Variants in ABCD2 observed in about 807,000 individuals in gnomAD.
ABCD2 encodes ATP binding cassette subfamily D member 2, also known as ATP-binding cassette sub-family D member 2.
In ABCD2, 36 loss-of-function variants were observed where a neutral mutation model predicts 70.9. The observed-to-expected ratio is 0.51, with a 90% CI of 0.39 to 0.67. The LOEUF (loss-of-function observed/expected upper bound fraction) is 0.67. Ranked by LOEUF, ABCD2 falls within the 30% of genes least tolerant of loss-of-function variation. The pLI, the probability that ABCD2 is intolerant of heterozygous loss-of-function variation, is 0.00. For synonymous variants in ABCD2, 304 were observed against 306.9 expected (o/e 0.99, Z 0.10); for missense variants, 729 against 890.2 (o/e 0.82, Z 2.30).
chr12:39,600,842 G>A (rs1380501845), intron 5 of ABCD2, 126 bp from the exon 6 acceptor site: 4 of 792,368 alleles, frequency 5.0e-6, no homozygotes, highest in Non-Finnish European at 5.8e-6. Context: ...AAAAGATCAA[G>A]GAAAAATATT....
chr12:39,568,579 C>G (rs1034387294), intron 9 of ABCD2, among the ~76,000 whole-genome samples: 1 of 152,112 alleles, frequency 6.6e-6, no homozygotes, highest in African/African-American at 2.4e-5. Flanking sequence ...CGAACTCCCT[C>G]CTTTAGCTCG....
intron 9 of ABCD2, among the ~76,000 whole-genome samples, chr12:39,558,899 C>T (rs1233663984): frequency 6.6e-6 from 1 of 151,702 alleles, no homozygotes; most frequent in East Asian, 1.9e-4. Context: ...GCCAGAAATG[C>T]TGGAGCTGAA....
chr12:39,547,189 A>G (rs1041080093), downstream of ABCD2, among the ~76,000 whole-genome samples: 1 of 152,148 alleles, frequency 6.6e-6, no homozygotes, highest in South Asian at 2.1e-4. Context: ...GTAGAAAATA[A>G]CAAGTGCTGG....
intron 7 of ABCD2, among the ~76,000 whole-genome samples, chr12:39,582,781 T>A (rs1941613607): frequency 6.6e-6 from 1 of 152,176 alleles, no homozygotes; most frequent in Admixed American, 6.5e-5. Flanking sequence ...GATATTGTTA[T>A]ATAAAACTTC....
At chr12:39,558,219 T>C (rs1395797438) in intron 9 of ABCD2, among the ~76,000 whole-genome samples, 2 of 151,480 alleles carry the variant, frequency 1.3e-5, no homozygotes, top group Non-Finnish European at 2.9e-5. Context: ...GGATTTAGGA[T>C]TTGCACAGGG....
chr12:39,548,079 G>T (rs954335272), downstream of ABCD2, among the ~76,000 whole-genome samples: 2 of 151,886 alleles, frequency 1.3e-5, no homozygotes, highest in South Asian at 4.2e-4. Context: ...TCTTTTCCTG[G>T]GCTAGAGATA....
intron 3 of ABCD2, among the ~76,000 whole-genome samples, chr12:39,607,067 A>G (rs1477158053): frequency 6.6e-6 from 1 of 152,192 alleles, no homozygotes. Flanking sequence ...GAATGGTAAG[A>G]AAGTATTACC....
Position 39,619,553 on chromosome 12 carries a change from C to T in ABCD2, c.63G>A (p.Lys21=). 1 of 1,611,410 alleles carries T rather than the reference C, an allele frequency of 6.2e-7. No homozygotes were observed. The highest frequency in any genetic ancestry group is 8.5e-7 in the Non-Finnish European group (1 of 1,180,004). ...RVKWTRSSAA[K]RAACLVAAAY... is the part of the protein sequence containing the mutation. ...CCGCAGCCACCAGGCAGGCAGCCCT[C>T]TTAGCAGCACTCGATCTGGTCCATT... Residue 21 remains lysine, a synonymous_variant, in exon 1 of 10, where the codon AAG becomes AAA. Coordinates refer to ENST00000308666, the MANE Select transcript of ABCD2 (RefSeq NM_005164.4).
At chr12:39,556,902 GAA>G (rs1941175011) in intron 9 of ABCD2, among the ~76,000 whole-genome samples, 1 of 151,106 alleles carries the variant, frequency 6.6e-6, no homozygotes, top group Admixed American at 6.6e-5. Context: ...GGAATTGCTT[GAA>G]CCCAGGAGGC....
At chr12:39,575,347 G>T (rs1941501820) in intron 8 of ABCD2, among the ~76,000 whole-genome samples, 1 of 152,032 alleles carries the variant, frequency 6.6e-6, no homozygotes, top group Admixed American at 6.6e-5. Context: ...CCTTGGCAGG[G>T]CTGGTGTGTG....
rs1378620779 is a variant in ABCD2, at chr12:39,550,297, T to C, written c.*3615A>G. 2.0e-5 allele frequency: 3 copies of C among 151,744 alleles called. No homozygotes were observed. The highest frequency in any genetic ancestry group is 4.4e-5 in the Non-Finnish European group (3 of 67,736). The allele number at this position is 151,744 out of a possible 1,614,324, so 9.4% of individuals were successfully genotyped here. Reference sequence around the variant, plus strand: ...AATAATTTGTAATTCCTTTGATTAATCTAGTCTTTTTCTTAATGGTTAAGG... The same window carrying C: ...AATAATTTGTAATTCCTTTGATTAACCTAGTCTTTTTCTTAATGGTTAAGG... On this transcript the variant is annotated 3_prime_UTR_variant, in exon 10 of 10. Transcript: ENST00000308666.
At chr12:39,603,744 C>G (rs1272818921) in intron 5 of ABCD2, among the ~76,000 whole-genome samples, 168 bp downstream of exon 5, 2 of 152,010 alleles carry the variant, frequency 1.3e-5, no homozygotes, top group Non-Finnish European at 2.9e-5. Flanking sequence ...TCTTTTCTCT[C>G]TGCTTTCTGA....
intron 9 of ABCD2, among the ~76,000 whole-genome samples, chr12:39,572,745 A>G (rs1258723371): frequency 6.6e-6 from 1 of 152,210 alleles, no homozygotes; most frequent in Admixed American, 6.5e-5. Flanking sequence ...CAACTTTGGC[A>G]TGAAATCTGA....
intron 9 of ABCD2, among the ~76,000 whole-genome samples, chr12:39,563,119 T>C (rs188886856): frequency 6.6e-6 from 1 of 152,330 alleles, no homozygotes. Context: ...CATCCTTTTA[T>C]GCTAAAAACA....
intron 3 of ABCD2, among the ~76,000 whole-genome samples, chr12:39,607,030 T>A (rs1014928608): frequency 6.6e-6 from 1 of 152,148 alleles, no homozygotes; most frequent in African/African-American, 2.4e-5. Flanking sequence ...CAAAACAGGA[T>A]GACCCAAACT....
At chr12:39,590,882 C>G (rs1297959206) in intron 6 of ABCD2, among the ~76,000 whole-genome samples, 1 of 151,652 alleles carries the variant, frequency 6.6e-6, no homozygotes, top group Non-Finnish European at 1.5e-5. Context: ...CTTGGAGCTT[C>G]TGAATGACAC....
At chr12:39,615,664 A>G (rs1193685791) in intron 2 of ABCD2, among the ~76,000 whole-genome samples, 1 of 152,094 alleles carries the variant, frequency 6.6e-6, no homozygotes, top group African/African-American at 2.4e-5. Context: ...GACAAATACT[A>G]ACTTACTGAA....
chr12:39,608,253 T>C (rs1386250872), intron 2 of ABCD2, among the ~76,000 whole-genome samples: 8 of 152,196 alleles, frequency 5.3e-5, no homozygotes. Flanking sequence ...TCAGATTTTG[T>C]TTAAAGTTCC....
chr12:39,537,923 A>T, the ABCD2 span, among the ~76,000 whole-genome samples: 1 of 152,238 alleles, frequency 6.6e-6, no homozygotes, highest in African/African-American at 2.4e-5. Flanking sequence ...AATATTACAG[A>T]TGAATCAGAA....
Sources: gnomAD v4.1 joint callset for allele counts (sites outside exome capture counted in the v4.1 genomes callset) on GRCh38, gnomAD v4.1.1 for gene constraint, MANE v1.5 for transcripts, NCBI Gene and HGNC (gene_info 2026-07-23, HGNC 2026-07-21) for gene names.